Variants in CNTNAP2 observed in about 807,000 individuals in gnomAD.
CNTNAP2 encodes contactin associated protein 2, also known as contactin-associated protein-like 2.
CNTNAP2 carries 98 observed loss-of-function variants against 155.2 expected under a neutral mutation model. The ratio of observed to expected loss-of-function variants is 0.63; its 90% CI spans 0.54 to 0.75. The LOEUF (loss-of-function observed/expected upper bound fraction) is 0.75, where lower values mean the gene tolerates loss of function less well. Ranked by LOEUF, CNTNAP2 falls within the 30% of genes least tolerant of loss-of-function variation. CNTNAP2 has a pLI of 0.00. For missense variants in CNTNAP2, 1,727 were observed against 1,688.1 expected, an observed-to-expected ratio of 1.02 and a Z score of -0.40; for synonymous variants, 651 against 631.2, an observed-to-expected ratio of 1.03 and a Z score of -0.47.
chr7:148,001,735 T>G (rs542264630), intron 15 of CNTNAP2, among the ~76,000 whole-genome samples: 1 of 152,358 alleles, frequency 6.6e-6, no homozygotes, highest in East Asian at 1.9e-4. Flanking sequence ...TCTAGCTAGG[T>G]ACTGGTGAGA....
In CNTNAP2 at chr7:146,794,699, TACTA is replaced by T. The variant is rs151274548; in HGVS notation, c.208+20323_208+20326del. ...CTAACTGTGTTTTTTCATAATGAGGTACTAACTATGATACGAATGCTCCAAAGCT... is the reference window on the plus strand; with the variant it reads ...CTAACTGTGTTTTTTCATAATGAGGTACTATGATACGAATGCTCCAAAGCT... On this transcript the variant is annotated intron_variant, in intron 2 of 23. Transcript: ENST00000361727. Among the ~76,000 whole-genome samples the T allele has an allele frequency of 2.3e-3, 343 of 152,184 alleles. 4 individuals are homozygous for T. The highest frequency in any genetic ancestry group is 7.8e-3 in the African/African-American group (324 of 41,512).
At chr7:146,554,640 T>C (rs950986681) in intron 1 of CNTNAP2, among the ~76,000 whole-genome samples, 2 of 152,168 alleles carry the variant, frequency 1.3e-5, no homozygotes, top group Non-Finnish European at 2.9e-5. Flanking sequence ...GAGGAGTGTT[T>C]GTTTGACTTA....
intron 12 of CNTNAP2, among the ~76,000 whole-genome samples, chr7:147,597,666 C>G (rs556143348): frequency 6.6e-6 from 1 of 152,290 alleles, no homozygotes; most frequent in African/African-American, 2.4e-5. Flanking sequence ...CTACCTCAAG[C>G]TCATCTCAGA....
intron 1 of CNTNAP2, among the ~76,000 whole-genome samples, chr7:146,328,695 C>G (rs1233511205): frequency 1.3e-5 from 2 of 152,132 alleles, no homozygotes; most frequent in African/African-American, 4.8e-5. Context: ...CTCTTCTCTC[C>G]AGCCCCCAGC....
At chr7:147,356,344 C>T (rs969183156) in intron 9 of CNTNAP2, among the ~76,000 whole-genome samples, 4 of 152,024 alleles carry the variant, frequency 2.6e-5, no homozygotes, top group African/African-American at 7.2e-5. Flanking sequence ...TGGGCAAAAA[C>T]TGGAAGCATC....
At chr7:146,833,588 C>A (rs1239615105) in intron 2 of CNTNAP2, among the ~76,000 whole-genome samples, 1 of 152,178 alleles carries the variant, frequency 6.6e-6, no homozygotes, top group Non-Finnish European at 1.5e-5. Context: ...TGCCTATTTG[C>A]TAACCTCTTT....
In CNTNAP2 at chr7:146,370,733, C is replaced by G. The variant is rs1048209719; in HGVS notation, c.97+253760C>G. Among the ~76,000 whole-genome samples the G allele has an allele frequency of 3.9e-5, 6 of 152,100 alleles. No individual in the cohort carries two copies. In the East Asian group the frequency reaches 9.7e-4, roughly 25 times the overall value. On this transcript the variant is annotated intron_variant, in intron 1 of 23. Coordinates refer to ENST00000361727, the MANE Select transcript of CNTNAP2 (RefSeq NM_014141.6). ...AAAGGAAACCACAAAATAATAAAGA[C>G]AAAGACAAATGAAAGAACTCCCCAT...
chr7:146,679,343 G>A lies in CNTNAP2; in HGVS notation c.98-94928G>A, dbSNP rs375226346. On this transcript the variant is annotated intron_variant, in intron 1 of 23. Coordinates refer to ENST00000361727, the MANE Select transcript of CNTNAP2 (RefSeq NM_014141.6). ...ATATCCATGCAAAGGACATGATCTT[G>A]TTTCTTTTTTTTTTTTTTTTTTTTG... Among the ~76,000 whole-genome samples, 19 of 75,312 alleles carry A rather than the reference G, an allele frequency of 2.5e-4. No homozygotes were observed. In the South Asian group the frequency reaches 0.012, roughly 48 times the overall value. 49.4% of individuals were successfully genotyped at this position (75,312 alleles called of 152,430 possible).
At chr7:148,349,636 C>T (rs947669799) in intron 21 of CNTNAP2, among the ~76,000 whole-genome samples, 2 of 152,030 alleles carry the variant, frequency 1.3e-5, no homozygotes, top group African/African-American at 2.4e-5. Flanking sequence ...CTCCTGACCT[C>T]GTGATCCGCC....
At chr7:148,379,787 T>TAC (rs1028766273) in intron 21 of CNTNAP2, among the ~76,000 whole-genome samples, 1 of 152,236 alleles carries the variant, frequency 6.6e-6, no homozygotes, top group African/African-American at 2.4e-5. Flanking sequence ...CTCAAGCATG[T>TAC]ACACGAGGCC....
At chr7:146,812,287 G>A (rs1343590204) in intron 2 of CNTNAP2, among the ~76,000 whole-genome samples, 2 of 151,888 alleles carry the variant, frequency 1.3e-5, no homozygotes, top group Non-Finnish European at 2.9e-5. Flanking sequence ...TGAGGAACTC[G>A]CTGGGAACTA....
intron 13 of CNTNAP2, among the ~76,000 whole-genome samples, chr7:147,641,669 G>A (rs907871299): frequency 9.9e-5 from 15 of 151,948 alleles, no homozygotes; most frequent in African/African-American, 3.6e-4. Context: ...ATAATGGTGG[G>A]GTCCTAGTCC....
chr7:146,564,792 A>G (rs901361655), intron 1 of CNTNAP2, among the ~76,000 whole-genome samples: 6 of 151,758 alleles, frequency 4.0e-5, no homozygotes, highest in Non-Finnish European at 5.9e-5. Context: ...TCTCATTTCT[A>G]ACTTTATTCA....
chr7:146,200,037 T>A (rs1798834815), intron 1 of CNTNAP2, among the ~76,000 whole-genome samples: 1 of 152,190 alleles, frequency 6.6e-6, no homozygotes, highest in African/African-American at 2.4e-5. Flanking sequence ...GAGTGACAGC[T>A]TCTGGTAGTG....
intron 1 of CNTNAP2, among the ~76,000 whole-genome samples, chr7:146,468,459 A>G (rs1323753572): frequency 1.3e-5 from 2 of 151,860 alleles, no homozygotes; most frequent in African/African-American, 2.4e-5. Context: ...AAAAAAAAAG[A>G]AGACAATGAT....
At chr7:146,479,941 C>T (rs1052771611) in intron 1 of CNTNAP2, among the ~76,000 whole-genome samples, 2 of 152,068 alleles carry the variant, frequency 1.3e-5, no homozygotes, top group African/African-American at 4.8e-5. Context: ...CCCGCCAACA[C>T]GCCCGGCTAA....
chr7:147,575,846 T>C (rs1441704092), intron 12 of CNTNAP2, among the ~76,000 whole-genome samples: 2 of 152,096 alleles, frequency 1.3e-5, no homozygotes, highest in East Asian at 1.9e-4. Context: ...CTTTCATCTA[T>C]TGTGTTTCAT....
intron 2 of CNTNAP2, among the ~76,000 whole-genome samples, chr7:146,826,650 C>T (rs868135434): frequency 5.3e-5 from 8 of 151,942 alleles, no homozygotes; most frequent in South Asian, 2.1e-4. Context: ...AACTGGAGCC[C>T]GGTAAAACTT....
rs543006253 is a variant in CNTNAP2 at position 146,461,509 on chromosome 7, G to C, written c.98-312762G>C. 9.3e-4 allele frequency among the ~76,000 whole-genome samples: 141 copies of C among 151,830 alleles called. 1 individual carries two copies. The highest frequency in any genetic ancestry group is 1.7e-3 in the Non-Finnish European group (113 of 67,996). On this transcript the variant is annotated intron_variant, in intron 1 of 23. Coordinates refer to ENST00000361727, the MANE Select transcript of CNTNAP2 (RefSeq NM_014141.6). The stretch of plus-strand genomic sequence containing the variant: ...ACAGTAATAACTTTTAGTAGCATTT[G>C]TTTATTGCTTTGCAAAAATCTTTAA...
Sources: allele counts gnomAD v4.1 joint callset (sites outside exome capture counted in the v4.1 genomes callset), GRCh38; gene constraint gnomAD v4.1.1; transcripts MANE v1.5; gene names NCBI Gene and HGNC (gene_info 2026-07-23, HGNC 2026-07-21).